Variants in KIF1A observed in about 807,000 individuals in gnomAD.
KIF1A encodes kinesin family member 1A, also known as kinesin-like protein KIF1A.
KIF1A carries 46 observed loss-of-function variants against 227.3 expected under a neutral mutation model. The ratio of observed to expected loss-of-function variants is 0.20; its 90% CI spans 0.16 to 0.26. The LOEUF (loss-of-function observed/expected upper bound fraction) is 0.26, where lower values mean the gene tolerates loss of function less well. Among genes scored for constraint, KIF1A ranks in the 10% least tolerant of loss-of-function variants. The pLI, the probability that KIF1A is intolerant of heterozygous loss-of-function variation, is 1.00. For synonymous variants in KIF1A, 1,022 were observed against 1,012.8 expected (o/e 1.01, Z -0.17); for missense variants, 1,683 against 2,485.9 (o/e 0.68, Z 6.87).
In KIF1A at chr2:240,724,931, C is replaced by CGG. The variant is rs1390537317; in HGVS notation, c.4256+338_4256+339dup. The CGG allele has an allele frequency of 3.8e-4, 16 of 42,052 alleles. 2 individuals carry two copies. The highest frequency in any genetic ancestry group is 1.1e-3 in the African/African-American group (11 of 10,054). The allele number at this position is 42,052 out of a possible 1,614,324, so 2.6% of individuals were successfully genotyped here. ...GGTCCTCAGGGAAGAAGGTCACCGG[C>CGG]GGCGGGGGGGGGGGGGGGGGAACGG... On this transcript the variant is annotated intron_variant, in intron 40 of 48. Transcript: ENST00000498729.
intron 15 of KIF1A, 110 bp from the exon 16 acceptor site, chr2:240,769,816 C>T (rs2051710494): frequency 1.2e-6 from 1 of 820,876 alleles, no homozygotes; most frequent in African/African-American, 1.7e-5. Context: ...CGCCATATTC[C>T]TGGGCCCGAC....
At chr2:240,813,015 G>T (rs1428788144) in intron 1 of KIF1A, among the ~76,000 whole-genome samples, 2 of 150,600 alleles carry the variant, frequency 1.3e-5, no homozygotes, top group African/African-American at 4.9e-5. Context: ...TCACCTCGGG[G>T]ATCTGCCTTC....
rs759581118 is a variant in KIF1A, at chr2:240,769,604, G to A, written c.1421+23C>T. ...TTGCTGGCTGCACCCCTCCCCCTGG[G>A]CCTCAGTTTCCCCGCTGCACACCTC... On this transcript the variant is annotated intron_variant, in intron 16 of 48. Coordinates refer to ENST00000498729, the MANE Select transcript of KIF1A (RefSeq NM_001244008.2). The A allele has an allele frequency of 4.6e-5, 74 of 1,602,708 alleles. No individual in the cohort carries two copies. In the Admixed American group the frequency reaches 1.2e-3, roughly 26 times the overall value.
In KIF1A at chr2:240,773,214, G is replaced by A. The variant is rs563701542; in HGVS notation, c.1080C>T (p.Ile360=). ...TCAGCTTGTTGTTGGGGTCCTCATT[G>A]ATGACAGCATTGCAGCGGATCTGCT... is the stretch of plus-strand genomic sequence containing the variant. The part of the protein sequence containing the change: ...RAKQIRCNAV[I]NEDPNNKLIR... Residue 360 remains isoleucine, a synonymous_variant, in exon 13 of 49, where the codon ATC becomes ATT. Transcript: ENST00000498729. 51 of 1,613,988 alleles carry A rather than the reference G, an allele frequency of 3.2e-5. No individual in the cohort carries two copies. The South Asian group carries it at 5.2e-4, about 16-fold the overall frequency.
At chr2:240,761,421 C>T in intron 23 of KIF1A, 44 bp from the exon 24 acceptor site, 1 of 1,513,448 alleles carries the variant, frequency 6.6e-7, no homozygotes, top group Admixed American at 2.0e-5. Flanking sequence ...AAGGCCATGA[C>T]CCTGCCCACC....
chr2:240,738,321 C>G (rs1485681180), intron 37 of KIF1A, among the ~76,000 whole-genome samples: 1 of 152,206 alleles, frequency 6.6e-6, no homozygotes, highest in Non-Finnish European at 1.5e-5. Flanking sequence ...CTTTGACTCC[C>G]TCCCCTGCCT....
rs1410581781 is a variant in KIF1A at position 240,762,148 on chromosome 2, C to T, written c.2116+571G>A. Among the ~76,000 whole-genome samples the T allele has an allele frequency of 2.0e-5, 3 of 152,248 alleles. No individual in the cohort carries two copies. In the East Asian group the frequency reaches 5.8e-4, roughly 29 times the overall value. On this transcript the variant is annotated intron_variant, in intron 23 of 48. Coordinates refer to ENST00000498729, the MANE Select transcript of KIF1A (RefSeq NM_001244008.2). ...AACAGGGGAAGATACCAAGGTCATG[C>T]CAGCACAAAGCTGCTGACCACCTGG...
chr2:240,749,857 G>A (rs2049014637), intron 28 of KIF1A, among the ~76,000 whole-genome samples: 1 of 152,224 alleles, frequency 6.6e-6, no homozygotes, highest in Non-Finnish European at 1.5e-5. Flanking sequence ...AGGGGGACAG[G>A]CCTGTGCCTG....
intron 20 of KIF1A, 101 bp from the exon 21 acceptor site, chr2:240,763,447 C>T (rs991103663): frequency 3.5e-6 from 4 of 1,138,558 alleles, no homozygotes; most frequent in South Asian, 1.6e-5. Context: ...CGGGTGCAGG[C>T]ACCCCACCAT....
Position 240,789,390 on chromosome 2 carries a change from G to T in KIF1A, c.107-78C>A. On this transcript the variant is annotated intron_variant, in intron 2 of 48. Coordinates refer to ENST00000498729, the MANE Select transcript of KIF1A (RefSeq NM_001244008.2). This position sits in a 1 kb window ranked among gnomAD's most constrained non-coding sequence, Gnocchi z 4.8. ...GCTGGCATCTACACTCCAAGGTGGG[G>T]AGATGGTCTTAAGAGGCCTCGGGCC... 4.0e-6 allele frequency: 5 copies of T among 1,256,804 alleles called. No homozygotes were observed. The highest frequency in any genetic ancestry group is 2.4e-5 in the South Asian group (2 of 82,834). The allele number at this position is 1,256,804 out of a possible 1,614,324, so 77.9% of individuals were successfully genotyped here. A position where few individuals can be genotyped will look rare whatever the true frequency, so the allele number is the denominator to read the frequency against.
intron 7 of KIF1A, among the ~76,000 whole-genome samples, chr2:240,784,478 C>G (rs746869938): frequency 1.3e-5 from 2 of 152,228 alleles, no homozygotes; most frequent in Non-Finnish European, 2.9e-5. Flanking sequence ...CCTGAGCCCC[C>G]GCTCACTGTT....
chr2:240,797,325 A>G (rs1245037045), intron 2 of KIF1A, among the ~76,000 whole-genome samples: 1 of 152,214 alleles, frequency 6.6e-6, no homozygotes, highest in Non-Finnish European at 1.5e-5. Flanking sequence ...CGCTGCTGCA[A>G]GCCAAGGTGG....
At chr2:240,797,415 T>A (rs2056523891) in intron 2 of KIF1A, among the ~76,000 whole-genome samples, 2 of 152,154 alleles carry the variant, frequency 1.3e-5, no homozygotes, top group African/African-American at 4.8e-5. Flanking sequence ...GCTGGCACCT[T>A]GACTTTGGAC....
rs947968554 is a variant in KIF1A, at chr2:240,724,129, G to A, written c.4257-93C>T. ...CTGCTGACTTGCCCCACTATCAAAC[G>A]CACAGTCAGCCTGGCTGGGGTGATG... On this transcript the variant is annotated intron_variant, in intron 40 of 48. Coordinates refer to ENST00000498729, the MANE Select transcript of KIF1A (RefSeq NM_001244008.2). 417 of 1,086,084 alleles carry A rather than the reference G, an allele frequency of 3.8e-4. 1 individual carries two copies. Among genetic ancestry groups the A allele is most frequent in the Non-Finnish European group, 7.3e-5 (51 of 700,162 alleles). The allele number at this position is 1,086,084 out of a possible 1,614,324, so 67.3% of individuals were successfully genotyped here.
rs1308911358 is a variant in KIF1A at position 240,775,373 on chromosome 2, C to A, written c.958+478G>T. ...GACTCTGAGGTTATTCCGGGATGGA[C>A]GGGATCAGCGTCGGGTGCATTTCAA... On this transcript the variant is annotated intron_variant, in intron 11 of 48. Transcript: ENST00000498729. The surrounding 1 kb of genome is among the most constrained non-coding windows in gnomAD (Gnocchi z 5.5). 6.6e-6 allele frequency among the ~76,000 whole-genome samples: 1 copy of A among 152,200 alleles called. No individual in the cohort carries two copies. The highest frequency in any genetic ancestry group is 2.4e-5 in the African/African-American group (1 of 41,450).
chr2:240,735,863 C>G (rs910914590), intron 38 of KIF1A, among the ~76,000 whole-genome samples: 25 of 152,142 alleles, frequency 1.6e-4, no homozygotes, highest in Non-Finnish European at 3.2e-4. Flanking sequence ...TAGAACACCC[C>G]CCGGATTCTC....
intron 1 of KIF1A, among the ~76,000 whole-genome samples, chr2:240,807,078 ATGTGTGTGTGTGTGTGTGTGTGTGTG>A (rs67918205): frequency 3.1e-5 from 3 of 95,252 alleles, no homozygotes; most frequent in African/African-American, 5.4e-5. Context: ...CCTCATATAT[ATGTGTGTGTGTGTGTGTGTGTGTGTG>A]TGTGTGTGTG....
chr2:240,787,156 C>T (rs1197034486), intron 5 of KIF1A, 95 bp downstream of exon 5: 5 of 1,016,776 alleles, frequency 4.9e-6, no homozygotes, highest in South Asian at 1.3e-5. Flanking sequence ...CGTGCAGACC[C>T]GTGGTGGGCA....
At chr2:240,806,859 T>C (rs2057442390) in intron 1 of KIF1A, among the ~76,000 whole-genome samples, 1 of 152,092 alleles carries the variant, frequency 6.6e-6, no homozygotes, top group Non-Finnish European at 1.5e-5. Flanking sequence ...ATAGGTGAGT[T>C]CCACCATACA....
Sources: allele counts gnomAD v4.1 joint callset (sites outside exome capture counted in the v4.1 genomes callset), GRCh38; gene constraint gnomAD v4.1.1; non-coding constraint Gnocchi (gnomAD v3.1); transcripts MANE v1.5; gene names NCBI Gene and HGNC (gene_info 2026-07-23, HGNC 2026-07-21).